ADI1: variants seen among roughly 807,000 people sequenced by gnomAD.
ADI1 encodes acireductone dioxygenase 1.
A neutral mutation model predicts 18.7 loss-of-function variants in ADI1; 21 were observed. That is an observed-to-expected ratio of 1.13 (90% confidence interval 0.80 to 1.62). The LOEUF (loss-of-function observed/expected upper bound fraction) is 1.62, where lower values mean the gene tolerates loss of function less well. Among genes scored for constraint, ADI1 ranks in the 40% most tolerant of loss-of-function variants. The pLI is 0.00. For synonymous variants in ADI1, 90 were observed against 100.1 expected (o/e 0.90, Z 0.60); for missense variants, 245 against 254.9 (o/e 0.96, Z 0.26).
At chr2:3,505,613 C>T (rs1374808679) in intron 2 of ADI1, among the ~76,000 whole-genome samples, 1 of 152,194 alleles carries the variant, frequency 6.6e-6, no homozygotes, top group Non-Finnish European at 1.5e-5. Context: ...CAGGAGAGCT[C>T]AGCCAGCCAG....
chr2:3,498,920 T>G lies in ADI1; in HGVS notation c.*43A>C. ...TTGATTTTCTGCTCAGTCATTACATTGGGGACCTTTACGAGGCACGTGTTA... is the reference window on the plus strand; with the variant it reads ...TTGATTTTCTGCTCAGTCATTACATGGGGGACCTTTACGAGGCACGTGTTA... On this transcript the variant is annotated 3_prime_UTR_variant, in exon 4 of 4. Coordinates refer to ENST00000327435, the MANE Select transcript of ADI1 (RefSeq NM_018269.4). The G allele has an allele frequency of 6.3e-7, 1 of 1,578,376 alleles. No homozygotes were observed. Among genetic ancestry groups the G allele is most frequent in the Non-Finnish European group, 8.7e-7 (1 of 1,154,430 alleles).
chr2:3,501,398 C>T (rs1251181367), intron 2 of ADI1, among the ~76,000 whole-genome samples: 1 of 151,960 alleles, frequency 6.6e-6, no homozygotes, highest in African/African-American at 2.4e-5. Context: ...CACCCTGGCC[C>T]CATGCTCACA....
rs1666893747 is a variant in ADI1 at position 3,497,594 on chromosome 2, G to A, written c.*1369C>T. On this transcript the variant is annotated 3_prime_UTR_variant, in exon 4 of 4. Coordinates refer to ENST00000327435, the MANE Select transcript of ADI1 (RefSeq NM_018269.4). The stretch of plus-strand genomic sequence containing the variant: ...AGCTCACTGCAGCCTCGACCTCCCA[G>A]GCTCTAAGAATCCTCCCACCTTAGC... The A allele has an allele frequency of 6.6e-6, 1 of 152,214 alleles. No homozygotes were observed. The highest frequency in any genetic ancestry group is 2.4e-5 in the African/African-American group (1 of 41,526). 9.4% of individuals were successfully genotyped at this position (152,214 alleles called of 1,614,324 possible). A position where few individuals can be genotyped will look rare whatever the true frequency, so the allele number is the denominator to read the frequency against.
chr2:3,503,355 A>G (rs931001776), intron 2 of ADI1, among the ~76,000 whole-genome samples: 5 of 129,940 alleles, frequency 3.8e-5, no homozygotes, highest in African/African-American at 1.5e-4. Context: ...ACTCACACGC[A>G]CATTCACACA....
In ADI1 at chr2:3,499,095, C is replaced by CA. The variant is rs1191580107; in HGVS notation, c.421-14dup. The CA allele has an allele frequency of 6.2e-7, 1 of 1,611,264 alleles. No individual in the cohort carries two copies. Among genetic ancestry groups the CA allele is most frequent in the Non-Finnish European group, 8.5e-7 (1 of 1,177,984 alleles). ...CCTTCGTGTAGTTCTGGAAAACAGA[C>CA]AAACACACCCAGCATCTCATTAAAC... On this transcript the variant is annotated splice_polypyrimidine_tract_variant and intron_variant, in intron 3 of 3. Coordinates refer to ENST00000327435, the MANE Select transcript of ADI1 (RefSeq NM_018269.4).
intron 2 of ADI1, among the ~76,000 whole-genome samples, chr2:3,504,705 CTGTATTGTCTGTTCGCCTGCGTATGTT>C (rs1466762032): frequency 2.0e-4 from 30 of 148,660 alleles, no homozygotes; most frequent in Admixed American, 1.7e-3. Context: ...CTGTGTATGT[CTGTATTGTCTGTTCGCCTGCGTATGTT>C]TGTATTGTCT....
intron 1 of ADI1, among the ~76,000 whole-genome samples, chr2:3,518,272 T>TA (rs1392322569): frequency 6.6e-6 from 1 of 152,230 alleles, no homozygotes; most frequent in African/African-American, 2.4e-5. Flanking sequence ...GATATCCAAA[T>TA]AGATTATGCT....
intron 2 of ADI1, among the ~76,000 whole-genome samples, chr2:3,502,032 CACACACACACAG>C (rs1245734905): frequency 3.6e-4 from 28 of 78,636 alleles, no homozygotes; most frequent in Middle Eastern, 0.013. Context: ...CACACACACA[CACACACACACAG>C]AGACAGGGTT....
intron 3 of ADI1, among the ~76,000 whole-genome samples, chr2:3,499,518 G>A (rs541821106): frequency 1.2e-4 from 18 of 152,282 alleles, no homozygotes; most frequent in East Asian, 1.2e-3. Context: ...AAAAACGCAC[G>A]TGCCTTTTAA....
intron 3 of ADI1, 34 bp downstream of exon 3, chr2:3,500,780 G>C (rs779142702): frequency 1.9e-6 from 3 of 1,612,422 alleles, no homozygotes; most frequent in East Asian, 2.2e-5. Flanking sequence ...CCACCACACA[G>C]GCCGGGCCTG....
At chr2:3,504,496 A>T (rs976897146) in intron 2 of ADI1, among the ~76,000 whole-genome samples, 4 of 152,224 alleles carry the variant, frequency 2.6e-5, no homozygotes, top group Non-Finnish European at 5.9e-5. Flanking sequence ...CATCCACCAG[A>T]ATCTAATGAA....
intron 3 of ADI1, 101 bp downstream of exon 3, chr2:3,500,713 C>T (rs768382179): frequency 1.3e-4 from 197 of 1,503,584 alleles, no homozygotes; most frequent in African/African-American, 7.6e-4. Flanking sequence ...GCCCAGCGAC[C>T]GCGCTTGGAG....
intron 1 of ADI1, among the ~76,000 whole-genome samples, chr2:3,518,912 G>A (rs528805208): frequency 5.3e-4 from 81 of 152,294 alleles, no homozygotes; most frequent in Admixed American, 1.0e-3. Context: ...TCCCGGCTGC[G>A]AGGCCCCTGA....
chr2:3,504,021 TTGAG>T (rs1170205182), intron 2 of ADI1, among the ~76,000 whole-genome samples: 1 of 152,118 alleles, frequency 6.6e-6, no homozygotes, highest in Non-Finnish European at 1.5e-5. Flanking sequence ...ACGAAAAACG[TTGAG>T]TGAAAGTTTG....
At chr2:3,509,914 C>A (rs1289970269) in intron 2 of ADI1, among the ~76,000 whole-genome samples, 1 of 151,734 alleles carries the variant, frequency 6.6e-6, no homozygotes, top group African/African-American at 2.4e-5. Context: ...GAGGCCAAGA[C>A]AGGAGGATCA....
intron 2 of ADI1, among the ~76,000 whole-genome samples, chr2:3,513,138 G>A (rs1360210887): frequency 1.3e-5 from 2 of 152,136 alleles, no homozygotes; most frequent in Non-Finnish European, 2.9e-5. Flanking sequence ...GCCTTTACCC[G>A]CTTTGTATCT....
At chr2:3,516,181 G>A (rs896897207) in intron 1 of ADI1, 12 of 463,736 alleles carry the variant, frequency 2.6e-5, no homozygotes, top group Non-Finnish European at 3.4e-5. Flanking sequence ...TAGGATTAGT[G>A]GCCTTGTAAG....
intron 2 of ADI1, among the ~76,000 whole-genome samples, chr2:3,502,048 C>A (rs1275157637): frequency 7.5e-6 from 1 of 133,928 alleles, no homozygotes; most frequent in African/African-American, 3.0e-5. Context: ...CACACAGAGA[C>A]AGGGTTTCAC....
intron 1 of ADI1, chr2:3,516,527 GC>G (rs1422704987): frequency 6.5e-6 from 1 of 154,426 alleles, no homozygotes; most frequent in Non-Finnish European, 1.4e-5. Context: ...AGAGCAGTTT[GC>G]CCCTTCCACC....
Sources: gnomAD v4.1 joint callset for allele counts (sites outside exome capture counted in the v4.1 genomes callset) on GRCh38, gnomAD v4.1.1 for gene constraint, MANE v1.5 for transcripts, NCBI Gene and HGNC (gene_info 2026-07-23, HGNC 2026-07-21) for gene names.